RANBP17: variants seen among roughly 807,000 people sequenced by gnomAD.
RANBP17 encodes RAN binding protein 17, also known as ran-binding protein 17.
In RANBP17, 158 loss-of-function variants were observed where a neutral mutation model predicts 141.2. The observed-to-expected ratio is 1.12, with a 90% CI of 0.98 to 1.28. The LOEUF is 1.28. Among genes scored for constraint, RANBP17 ranks in the 50% most tolerant of loss-of-function variants. The pLI, the probability that RANBP17 is intolerant of heterozygous loss-of-function variation, is 0.00. For synonymous variants in RANBP17, 430 were observed against 450.0 expected (o/e 0.96, Z 0.56); for missense variants, 1,438 against 1,290.7 (o/e 1.11, Z -1.75).
intron 14 of RANBP17, among the ~76,000 whole-genome samples, chr5:171,032,894 T>TA (rs1394800560): frequency 1.3e-5 from 2 of 152,162 alleles, no homozygotes; most frequent in South Asian, 2.1e-4. Flanking sequence ...GGTTGAAACT[T>TA]ATGAGGAAAA....
At chr5:171,082,137 C>A (rs1785290413) in intron 14 of RANBP17, among the ~76,000 whole-genome samples, 1 of 152,096 alleles carries the variant, frequency 6.6e-6, no homozygotes, top group Non-Finnish European at 1.5e-5. Context: ...CAGTTGCCTT[C>A]TTTGAATTGG....
intron 20 of RANBP17, chr5:171,205,978 G>T (rs539773801): frequency 5.4e-6 from 2 of 368,662 alleles, no homozygotes; most frequent in South Asian, 2.1e-5. Flanking sequence ...AATTAGCAAG[G>T]CTGGGAAGAT....
intron 14 of RANBP17, among the ~76,000 whole-genome samples, chr5:171,151,340 A>G (rs762925396): frequency 5.9e-5 from 9 of 152,204 alleles, no homozygotes; most frequent in African/African-American, 9.6e-5. Context: ...GAAAGGCAAG[A>G]TCAGGTTTTT....
intron 14 of RANBP17, among the ~76,000 whole-genome samples, chr5:171,056,575 C>A (rs995615898): frequency 6.6e-6 from 1 of 151,944 alleles, no homozygotes; most frequent in Non-Finnish European, 1.5e-5. Context: ...CAAATACATC[C>A]CCAGGAAAGC....
chr5:171,024,249 T>C (rs1781084171), intron 14 of RANBP17, among the ~76,000 whole-genome samples: 1 of 152,126 alleles, frequency 6.6e-6, no homozygotes, highest in South Asian at 2.1e-4. Flanking sequence ...GGAAAGAGTA[T>C]ACTTTAAATA....
intron 14 of RANBP17, among the ~76,000 whole-genome samples, chr5:170,971,483 G>A (rs1776984059): frequency 6.6e-6 from 1 of 152,152 alleles, no homozygotes; most frequent in South Asian, 2.1e-4. Context: ...TTGAACCCTA[G>A]GCACCTGACT....
chr5:171,038,589 T>C (rs1782037827), intron 14 of RANBP17, among the ~76,000 whole-genome samples: 1 of 152,120 alleles, frequency 6.6e-6, no homozygotes, highest in African/African-American at 2.4e-5. Context: ...GGGTTTGTCA[T>C]AGATGGCTTT....
intron 14 of RANBP17, among the ~76,000 whole-genome samples, chr5:171,055,349 T>G (rs1393376802): frequency 6.6e-6 from 1 of 152,218 alleles, no homozygotes; most frequent in Non-Finnish European, 1.5e-5. Context: ...AACTAGCATG[T>G]ACTAACAGGT....
chr5:171,099,776 C>T (rs367684587), intron 14 of RANBP17, among the ~76,000 whole-genome samples: 28 of 152,174 alleles, frequency 1.8e-4, no homozygotes, highest in African/African-American at 5.8e-4. Context: ...AGATATGTTC[C>T]GTCAGTTCCT....
chr5:171,005,256 ATGGAACCAAAAAAGAGCCTGCAT>A (rs1250816210), intron 14 of RANBP17, among the ~76,000 whole-genome samples: 1 of 152,172 alleles, frequency 6.6e-6, no homozygotes, highest in Non-Finnish European at 1.5e-5. Context: ...TAAAGTTCAT[ATGGAACCAAAAAAGAGCCTGCAT>A]TGCCAAGTCA....
rs1167456383 is a variant in RANBP17, at chr5:170,988,924, G to A, written c.1710+20547G>A. Reference sequence around the variant, plus strand: ...CTAGCTACTGGCAACCAGTTTGTAAGATGAAGATGGGAAGCCTTCCTTACC... The same window carrying A: ...CTAGCTACTGGCAACCAGTTTGTAAAATGAAGATGGGAAGCCTTCCTTACC... On this transcript the variant is annotated intron_variant, in intron 14 of 27. Transcript: ENST00000523189. 2.0e-5 allele frequency among the ~76,000 whole-genome samples: 3 copies of A among 151,794 alleles called. No homozygotes were observed. In the East Asian group the frequency reaches 5.8e-4, roughly 29 times the overall value.
intron 14 of RANBP17, among the ~76,000 whole-genome samples, chr5:171,008,600 G>A (rs1779819198): frequency 6.6e-6 from 1 of 152,182 alleles, no homozygotes; most frequent in Non-Finnish European, 1.5e-5. Context: ...TGCGGGTAGG[G>A]GGTGAATCTC....
At chr5:171,111,511 CAG>C (rs1253575906) in intron 14 of RANBP17, among the ~76,000 whole-genome samples, 5 of 152,172 alleles carry the variant, frequency 3.3e-5, no homozygotes, top group African/African-American at 1.2e-4. Flanking sequence ...ACATCCTAGA[CAG>C]AGCTGTTAGT....
intron 14 of RANBP17, among the ~76,000 whole-genome samples, chr5:171,059,247 G>A (rs1316554021): frequency 2.0e-5 from 3 of 152,094 alleles, no homozygotes; most frequent in African/African-American, 7.2e-5. Flanking sequence ...CCATGCCTAT[G>A]TCCTGAATGG....
intron 1 of RANBP17, among the ~76,000 whole-genome samples, chr5:170,873,360 A>G (rs1180086042): frequency 6.6e-6 from 1 of 152,210 alleles, no homozygotes; most frequent in Non-Finnish European, 1.5e-5. Context: ...TGCTGGCCTC[A>G]TAAAATGAGT....
intron 24 of RANBP17, among the ~76,000 whole-genome samples, chr5:171,246,913 C>CT: frequency 6.6e-6 from 1 of 152,264 alleles, no homozygotes; most frequent in East Asian, 1.9e-4. Context: ...GTTAGGTACT[C>CT]TAAGAGCACT....
intron 14 of RANBP17, among the ~76,000 whole-genome samples, chr5:171,118,155 A>G: frequency 6.6e-6 from 1 of 152,056 alleles, no homozygotes; most frequent in Non-Finnish European, 1.5e-5. Flanking sequence ...ATCTATTTTG[A>G]GTTGATTGTC....
chr5:171,270,409 G>T (rs1013083966), intron 25 of RANBP17, among the ~76,000 whole-genome samples: 4 of 152,094 alleles, frequency 2.6e-5, no homozygotes, highest in Non-Finnish European at 4.4e-5. Context: ...AGAAATGAAG[G>T]TGGAAAATTC....
At chr5:170,911,320 C>A in intron 7 of RANBP17, 186 bp downstream of exon 7, 1 of 597,390 alleles carries the variant, frequency 1.7e-6, no homozygotes, top group South Asian at 2.2e-5. Context: ...ATAGTAACTT[C>A]TATATTTTGA....
Sources: gnomAD v4.1 joint callset for allele counts (sites outside exome capture counted in the v4.1 genomes callset) on GRCh38, gnomAD v4.1.1 for gene constraint, MANE v1.5 for transcripts, NCBI Gene and HGNC (gene_info 2026-07-23, HGNC 2026-07-21) for gene names.